The following PFKFB3 variants were observed in gnomAD, a reference collection of about 807,000 sequenced individuals.
PFKFB3 encodes the protein 6-phosphofructo-2-kinase/fructose-2,6-biphosphatase 3.
A neutral mutation model predicts 68.0 loss-of-function variants in PFKFB3; 33 were observed. The ratio of observed to expected loss-of-function variants is 0.49; its 90% confidence interval spans 0.37 to 0.65. The LOEUF (loss-of-function observed/expected upper bound fraction) is 0.65, where lower values mean the gene tolerates loss of function less well. PFKFB3 is among the 30% of genes least tolerant of loss of function. The probability of loss-of-function intolerance (pLI) is 0.00; values close to 1 mark genes in which losing one functional copy is unlikely to be tolerated. For missense variants in PFKFB3, 586 were observed against 712.2 expected (o/e 0.82, Z 2.02); for synonymous variants, 315 against 288.2 (o/e 1.09, Z -0.94).
At chr10:6,243,093 AC>A (rs1846176056) in intron 14 of PFKFB3, among the ~76,000 whole-genome samples, 1 of 152,128 alleles carries the variant, frequency 6.6e-6, no homozygotes, top group African/African-American at 2.4e-5. Context: ...ACTCGGCAAC[AC>A]CCTACCAGAG....
At chr10:6,236,871 A>C (rs769552175), downstream of PFKFB3, among the ~76,000 whole-genome samples, 8 of 152,212 alleles carry the variant, frequency 5.3e-5, no homozygotes, top group Non-Finnish European at 1.0e-4. Context: ...CTAGGTCCAC[A>C]GTCACTGACT....
At position 6,229,360 on chromosome 10, in the gene PFKFB3, C is replaced by T. The variant is rs1362712918; in HGVS notation, c.1515+2995C>T. Among the ~76,000 whole-genome samples the T allele has an allele frequency of 6.6e-6, 1 of 152,224 alleles. No individual in the cohort carries two copies. The highest frequency in any genetic ancestry group is 1.5e-5 in the Non-Finnish European group (1 of 68,036). On this transcript the variant is annotated intron_variant, in intron 14 of 14. Transcript: ENST00000379775. This position sits in a 1 kb window ranked among gnomAD's most constrained non-coding sequence, Gnocchi z 4.3. ...TGCTTCCAGCAGGTGAGCCGCAGAG[C>T]CGGGGCCTGAAAGGCCCCTTGCTTC...
At chr10:6,301,843 A>G in the PFKFB3 span, among the ~76,000 whole-genome samples, 1 of 152,194 alleles carries the variant, frequency 6.6e-6, no homozygotes, top group East Asian at 1.9e-4. Context: ...TGAGGATCAC[A>G]TTATTCCAGT....
Position 6,233,004 on chromosome 10 carries a change from G to A in PFKFB3, c.*62G>A, listed in dbSNP as rs3750665. The stretch of plus-strand genomic sequence containing the variant: ...CAGCTTAGCTTGTGTCCTGCCCTCC[G>A]CCCGAGGCAAAACGTATCCTGAGGA... On this transcript the variant is annotated 3_prime_UTR_variant, in exon 15 of 15. Transcript: ENST00000379775. 1,869 of 1,352,014 alleles carry A rather than the reference G, an allele frequency of 1.4e-3. 57 individuals carry two copies. In the East Asian group the frequency reaches 0.041, roughly 30 times the overall value. 83.8% of individuals were successfully genotyped at this position (1,352,014 alleles called of 1,614,324 possible).
chr10:6,311,413 T>C, the PFKFB3 span, among the ~76,000 whole-genome samples: 3 of 152,128 alleles, frequency 2.0e-5, no homozygotes, highest in African/African-American at 7.2e-5. Context: ...ACCTCTCAGG[T>C]TCCCTACGGA....
At chr10:6,156,122 CAT>C (rs555157441) in intron 1 of PFKFB3, among the ~76,000 whole-genome samples, 31 of 100,152 alleles carry the variant, frequency 3.1e-4, no homozygotes, top group Admixed American at 1.1e-3. Context: ...TATATATGTA[CAT>C]ATATATGTGT....
upstream of PFKFB3, among the ~76,000 whole-genome samples, chr10:6,200,659 C>CGGGGGGG (rs57019530): frequency 1.0e-4 from 7 of 68,966 alleles, no homozygotes; most frequent in African/African-American, 3.3e-4. Flanking sequence ...ATGTAAGGAG[C>CGGGGGGG]GGGGGGGGGG....
At chr10:6,188,828 ATTT>A (rs35338599) in intron 1 of PFKFB3, among the ~76,000 whole-genome samples, 6,159 of 112,892 alleles carry the variant, frequency 0.055, 220 homozygotes, top group Admixed American at 0.11. Flanking sequence ...CTTCCTTTTA[ATTT>A]TTTTTTTTTT....
downstream of PFKFB3, among the ~76,000 whole-genome samples, chr10:6,256,666 C>T (rs748447264): frequency 6.6e-6 from 1 of 152,204 alleles, no homozygotes; most frequent in African/African-American, 2.4e-5. Context: ...GTGTATTTAA[C>T]GTGACGAAGC....
At chr10:6,241,938 T>A (rs976139757) in intron 14 of PFKFB3, among the ~76,000 whole-genome samples, 2 of 151,628 alleles carry the variant, frequency 1.3e-5, no homozygotes, top group African/African-American at 4.8e-5. Context: ...CTCTAACACC[T>A]GGGCTCAAGC....
the PFKFB3 span, among the ~76,000 whole-genome samples, chr10:6,265,616 C>T: frequency 2.6e-5 from 4 of 152,134 alleles, no homozygotes; most frequent in Non-Finnish European, 4.4e-5. Flanking sequence ...ATTATTTTGA[C>T]CACCTGCCCA....
At chr10:6,153,453 T>G (rs754252598) in intron 1 of PFKFB3, among the ~76,000 whole-genome samples, 1 of 152,126 alleles carries the variant, frequency 6.6e-6, no homozygotes, top group Non-Finnish European at 1.5e-5. Flanking sequence ...TGGTAGATGC[T>G]TTGAGTGGCT....
the PFKFB3 span, among the ~76,000 whole-genome samples, chr10:6,279,466 A>G: frequency 1.5e-3 from 229 of 152,322 alleles, no homozygotes; most frequent in African/African-American, 5.4e-3. Context: ...CCTGTTCATC[A>G]TATTATAAAT....
At chr10:6,281,166 C>CTCATATATATATATAT in the PFKFB3 span, among the ~76,000 whole-genome samples, 1,279 of 84,064 alleles carry the variant, frequency 0.015, 203 homozygotes, top group Middle Eastern at 0.051. Flanking sequence ...AGTATTCCAT[C>CTCATATATATATATAT]ATATATATAT....
At position 6,156,324 on chromosome 10, in the gene PFKFB3, T is replaced by C. The variant is rs117199296; in HGVS notation, c.16+11311T>C. Among the ~76,000 whole-genome samples, 1,519 of 151,958 alleles carry C rather than the reference T, an allele frequency of 1.0e-2. 62 individuals carry two copies. The highest frequency in any genetic ancestry group is 0.068 in the East Asian group (348 of 5,124). The stretch of plus-strand genomic sequence containing the variant: ...GTGCGCCACCACAGTCTGCTTTTTT[T>C]TTCAAACTTTTTGTGGAGACAAAGT... On this transcript the variant is annotated intron_variant, in intron 1 of 14. Coordinates refer to the PFKFB3 transcript ENST00000379789.
rs1165027652 is a variant in PFKFB3, at chr10:6,181,814, AAAAAAGAC to A, written c.17-31805_17-31798del. On this transcript the variant is annotated intron_variant, in intron 1 of 14. Coordinates refer to the PFKFB3 transcript ENST00000379789. ...CTCCGTTTAAAAAAAAAAAAAAAAA[AAAAAAGAC>A]AAATACTGCATGATTCCACTCATAT... 2.6e-5 allele frequency among the ~76,000 whole-genome samples: 4 copies of A among 151,892 alleles called. No individual in the cohort carries two copies. In the East Asian group the frequency reaches 7.7e-4, roughly 29 times the overall value.
At chr10:6,175,900 G>C (rs570190942) in intron 1 of PFKFB3, among the ~76,000 whole-genome samples, 3 of 152,358 alleles carry the variant, frequency 2.0e-5, no homozygotes, top group African/African-American at 7.2e-5. Flanking sequence ...TCATATCAGA[G>C]TAGAAATCCA....
downstream of PFKFB3, among the ~76,000 whole-genome samples, chr10:6,255,409 C>T (rs140456744): frequency 1.0e-3 from 157 of 152,356 alleles, no homozygotes; most frequent in African/African-American, 3.6e-3. Flanking sequence ...CAGGCGTGAG[C>T]CATCGCAACT....
In PFKFB3 at chr10:6,219,689, G is replaced by A; in HGVS notation, c.619G>A (p.Asp207Asn). 3 of 1,613,608 alleles carry A rather than the reference G, an allele frequency of 1.9e-6. No individual in the cohort carries two copies. Among genetic ancestry groups the A allele is most frequent in the Middle Eastern group, 1.7e-4 (1 of 5,922 alleles). Reference protein sequence around the residue: ...SYQPLDPDKCDRDLSLIKVID... With the variant: ...SYQPLDPDKCNRDLSLIKVID... Reference sequence around the variant, plus strand: ...CCAGCCCCTCGACCCCGACAAATGCGACAGGTGATTCCCGTGGCTGGCCGT... The same window carrying A: ...CCAGCCCCTCGACCCCGACAAATGCAACAGGTGATTCCCGTGGCTGGCCGT... The change falls in exon 7 of 15, where the codon GAC becomes AAC. Residue 207 changes from aspartate to asparagine, a missense_variant. Transcript: ENST00000379775.
Sources: gnomAD v4.1 joint callset for allele counts (sites outside exome capture counted in the v4.1 genomes callset) on GRCh38, gnomAD v4.1.1 for gene constraint, Gnocchi (gnomAD v3.1) non-coding constraint, MANE v1.5 for transcripts, NCBI Gene and HGNC (gene_info 2026-07-23, HGNC 2026-07-21) for gene names.